KHDRBS2: variants seen among roughly 807,000 people sequenced by gnomAD.
KHDRBS2 encodes KH RNA binding domain containing, signal transduction associated 2, also known as KH domain-containing, RNA-binding, signal transduction-associated protein 2.
In KHDRBS2, 26 loss-of-function variants were observed where a neutral mutation model predicts 44.3. The observed-to-expected ratio is 0.59, with a 90% confidence interval of 0.43 to 0.81. The LOEUF is 0.81. Among genes scored for constraint, KHDRBS2 ranks in the 40% least tolerant of loss-of-function variants. KHDRBS2 has a pLI of 0.00. For synonymous variants in KHDRBS2, 194 were observed against 151.1 expected (o/e 1.28, Z -2.08); for missense variants, 476 against 433.1 (o/e 1.10, Z -0.88).
chr6:61,935,693 A>T (rs916385630), intron 4 of KHDRBS2, among the ~76,000 whole-genome samples: 5 of 152,122 alleles, frequency 3.3e-5, no homozygotes, highest in African/African-American at 1.2e-4. Context: ...GTGTGTTAGG[A>T]TTGAATGAGG....
intron 6 of KHDRBS2, among the ~76,000 whole-genome samples, chr6:61,743,237 C>T (rs778082189): frequency 1.3e-5 from 2 of 152,086 alleles, no homozygotes; most frequent in Non-Finnish European, 2.9e-5. Flanking sequence ...GTATGTGACA[C>T]ACTTACATAC....
chr6:61,616,305 T>C, the KHDRBS2 span, among the ~76,000 whole-genome samples: 1 of 152,124 alleles, frequency 6.6e-6, no homozygotes, highest in Non-Finnish European at 1.5e-5. Flanking sequence ...ATAATTACAC[T>C]GTAATGTTAG....
At chr6:61,547,036 C>T in the KHDRBS2 span, among the ~76,000 whole-genome samples, 1 of 152,134 alleles carries the variant, frequency 6.6e-6, no homozygotes, top group African/African-American at 2.4e-5. Flanking sequence ...CCCACACTCA[C>T]TCAGATTAGG....
At chr6:61,765,157 G>T (rs1211586765) in intron 6 of KHDRBS2, among the ~76,000 whole-genome samples, 2 of 152,062 alleles carry the variant, frequency 1.3e-5, no homozygotes, top group Non-Finnish European at 2.9e-5. Context: ...GAAGTAACTG[G>T]CCAGGCATGG....
the KHDRBS2 span, among the ~76,000 whole-genome samples, chr6:61,588,197 G>A: frequency 6.6e-6 from 1 of 152,106 alleles, no homozygotes; most frequent in African/African-American, 2.4e-5. Flanking sequence ...TGTAACTACT[G>A]CTTGTTCACT....
chr6:62,115,147 A>T (rs1805911568), intron 2 of KHDRBS2, among the ~76,000 whole-genome samples: 1 of 152,182 alleles, frequency 6.6e-6, no homozygotes, highest in African/African-American at 2.4e-5. Flanking sequence ...TTTCAAAATT[A>T]ATGTTTTCAT....
chr6:61,660,201 A>G, the KHDRBS2 span, among the ~76,000 whole-genome samples: 11 of 151,948 alleles, frequency 7.2e-5, no homozygotes, highest in African/African-American at 2.2e-4. Context: ...AGAGAGTGTT[A>G]TATTGTACAG....
At chr6:62,124,801 T>A (rs1034344018) in intron 2 of KHDRBS2, among the ~76,000 whole-genome samples, 52 of 152,206 alleles carry the variant, frequency 3.4e-4, no homozygotes, top group Non-Finnish European at 6.9e-4. Flanking sequence ...TTAATTTTTT[T>A]AATAAATCTC....
intron 6 of KHDRBS2, among the ~76,000 whole-genome samples, chr6:61,819,541 G>C (rs182115233): frequency 2.6e-5 from 4 of 151,796 alleles, no homozygotes; most frequent in Non-Finnish European, 5.9e-5. Flanking sequence ...GCATTTTGTT[G>C]CTTGTTTTAT....
chr6:61,755,769 C>T (rs1446904431), intron 6 of KHDRBS2, among the ~76,000 whole-genome samples: 1 of 144,034 alleles, frequency 6.9e-6, no homozygotes, highest in African/African-American at 2.6e-5. Flanking sequence ...CATTGCACTC[C>T]AGCCTGGGCA....
the KHDRBS2 span, among the ~76,000 whole-genome samples, chr6:61,639,069 T>C: frequency 3.9e-5 from 6 of 152,120 alleles, no homozygotes; most frequent in Non-Finnish European, 7.4e-5. Flanking sequence ...GCTGTAAATA[T>C]TTGAAAATGA....
At chr6:61,790,974 TTC>T (rs1206219954) in intron 6 of KHDRBS2, among the ~76,000 whole-genome samples, 2 of 151,516 alleles carry the variant, frequency 1.3e-5, no homozygotes, top group East Asian at 3.9e-4. Flanking sequence ...TTTTTAGTTC[TTC>T]TTTAGCCAAT....
chr6:61,771,807 G>T (rs1227997525), intron 6 of KHDRBS2, among the ~76,000 whole-genome samples: 1 of 152,096 alleles, frequency 6.6e-6, no homozygotes, highest in Non-Finnish European at 1.5e-5. Context: ...GGATAACCAG[G>T]AATTAGACTC....
chr6:61,824,368 C>T (rs533608647), intron 6 of KHDRBS2, among the ~76,000 whole-genome samples: 1 of 152,206 alleles, frequency 6.6e-6, no homozygotes, highest in East Asian at 1.9e-4. Context: ...ACTCCCCCTT[C>T]ATGCTCTCTC....
intron 4 of KHDRBS2, among the ~76,000 whole-genome samples, chr6:61,909,974 G>A (rs1805754703): frequency 6.6e-6 from 1 of 152,178 alleles, no homozygotes. Context: ...GCAATGCCAA[G>A]ACTTTCAGAA....
chr6:61,745,558 A>G (rs891914995), intron 6 of KHDRBS2, among the ~76,000 whole-genome samples: 6 of 152,182 alleles, frequency 3.9e-5, no homozygotes, highest in Admixed American at 3.9e-4. Context: ...ATAAGTCTCT[A>G]ACGCCTTCTA....
intron 6 of KHDRBS2, among the ~76,000 whole-genome samples, chr6:61,796,175 AATC>A (rs1329928307): frequency 6.6e-6 from 1 of 152,070 alleles, no homozygotes; most frequent in East Asian, 1.9e-4. Flanking sequence ...TATTGATTGA[AATC>A]ATCATGATTT....
intron 1 of KHDRBS2, among the ~76,000 whole-genome samples, chr6:62,223,239 C>T (rs1205319397): frequency 2.6e-5 from 4 of 152,234 alleles, no homozygotes; most frequent in Admixed American, 6.5e-5. Context: ...CTCAACACCG[C>T]GTGGAGGCTG....
the KHDRBS2 span, among the ~76,000 whole-genome samples, chr6:61,663,280 T>G: frequency 1.4e-5 from 2 of 138,642 alleles, no homozygotes; most frequent in South Asian, 2.7e-4. Context: ...GGGATTGCAT[T>G]AGGAGATATA....
Sources: gnomAD v4.1 joint callset for allele counts (sites outside exome capture counted in the v4.1 genomes callset) on GRCh38, gnomAD v4.1.1 for gene constraint, MANE v1.5 for transcripts, NCBI Gene and HGNC (gene_info 2026-07-23, HGNC 2026-07-21) for gene names.